SHC1: variants seen among roughly 807,000 people sequenced by gnomAD.
SHC1 encodes the protein SHC-transforming protein 1.
In SHC1, 30 loss-of-function variants were observed where a neutral mutation model predicts 55.9. The observed-to-expected ratio is 0.54, with a 90% CI of 0.40 to 0.73. The LOEUF is 0.73. SHC1 is among the 30% of genes least tolerant of loss of function. The pLI is 0.00. For missense variants in SHC1, 675 were observed against 777.1 expected (o/e 0.87, Z 1.56); for synonymous variants, 309 against 306.1 (o/e 1.01, Z -0.10).
intron 1 of SHC1, 71 bp from the exon 2 acceptor site, chr1:154,969,519 G>T: frequency 9.9e-7 from 1 of 1,007,156 alleles, no homozygotes; most frequent in Non-Finnish European, 1.6e-6. Flanking sequence ...AGGGCCCTAG[G>T]ACTTTACCCA....
Position 154,970,380 on chromosome 1 carries a change from CAG to C in SHC1, c.145_146del (p.Leu49AlafsTer5). On this transcript the variant is annotated frameshift_variant, in exon 1 of 12. Coordinates refer to ENST00000448116, the MANE Select transcript of SHC1 (RefSeq NM_001130040.2). LOFTEE classifies it high-confidence loss of function. The surrounding 1 kb of genome is among the most constrained non-coding windows in gnomAD (Gnocchi z 5.5). ...ASSLGPILPPLPGDDSPTTLC... is the reference protein window; with the variant it reads ...ASSLGPILPPXPGDDSPTTLC... ...GGGTAGTGGGACTATCGTCCCCAGG[CAG>C]AGGAGGCAGGATGGGCCCCAGGGAT... 1 of 1,602,870 alleles carries C rather than the reference CAG, an allele frequency of 6.2e-7. No individual in the cohort carries two copies. The highest frequency in any genetic ancestry group is 2.2e-5 in the East Asian group (1 of 44,840).
At chr1:154,967,085 G>A (rs1330668558) in intron 7 of SHC1, among the ~76,000 whole-genome samples, 1 of 151,928 alleles carries the variant, frequency 6.6e-6, no homozygotes, top group Non-Finnish European at 1.5e-5. Flanking sequence ...CTCCAGCCTG[G>A]GCTACAGAGC....
rs1655590012 is a variant in SHC1, at chr1:154,963,924, G to C, written c.1634C>G (p.Thr545Ser). The C allele has an allele frequency of 6.2e-7, 1 of 1,614,012 alleles. No homozygotes were observed. Among genetic ancestry groups the C allele is most frequent in the African/African-American group, 1.3e-5 (1 of 74,922 alleles). The change falls in exon 12 of 12, where the codon ACT becomes AGT. Residue 545 changes from threonine to serine, a missense_variant. Thr to Ser is a moderately conservative substitution (Grantham distance 58). Around this residue, in one of 3 missense-constraint regions of SHC1, gnomAD observed 360 missense variants for 371.1 expected, o/e 0.97. Transcript: ENST00000448116. ...GACACTTTCAAAGCGGTGATCCTTA[G>C]TCCGAACCTGGGAGGGTGGGAAGGA... ...LLVDPEGVVR[T>S]KDHRFESVSH...
intron 4 of SHC1, 112 bp from the exon 5 acceptor site, chr1:154,968,369 C>T (rs2102109160): frequency 3.9e-6 from 6 of 1,543,024 alleles, no homozygotes; most frequent in Non-Finnish European, 4.5e-6. Flanking sequence ...TATCCCATAT[C>T]CTCATTTCCT....
chr1:154,968,219 T>A lies in SHC1; in HGVS notation c.789A>T (p.Ala263=). 6.2e-7 allele frequency: 1 copy of A among 1,614,126 alleles called. No homozygotes were observed. Among genetic ancestry groups the A allele is most frequent in the South Asian group, 1.1e-5 (1 of 91,080 alleles). The stretch of plus-strand genomic sequence containing the variant: ...CCCAACTCACCGGATCCCCGCCGGA[T>A]GCAAATGAGATAGATTGCATGTGGT... ...ANHHMQSISF[A]SGGDPDTAEY... Residue 263 remains alanine (A), a synonymous_variant, in exon 5 of 12, where the codon GCA becomes GCT. Coordinates refer to ENST00000448116, the MANE Select transcript of SHC1 (RefSeq NM_001130040.2).
intron 1 of SHC1, 75 bp downstream of exon 1, chr1:154,969,957 A>G (rs944665753): frequency 2.6e-6 from 4 of 1,521,246 alleles, no homozygotes; most frequent in Non-Finnish European, 3.6e-6. Flanking sequence ...GAAAAAAGAG[A>G]TTCCGGCCAA....
In SHC1 at chr1:154,966,052, G is replaced by A; in HGVS notation, c.1281C>T (p.Ser427=). Residue 427 remains serine, a synonymous_variant, in exon 10 of 12, where the codon TCC becomes TCT. Coordinates refer to ENST00000448116, the MANE Select transcript of SHC1 (RefSeq NM_001130040.2). The stretch of plus-strand genomic sequence containing the variant: ...TGTCTAGGTTCTGGACGTTGACATA[G>A]GAGGGATCATCAAAAAGCTCTCTGC... The part of the protein sequence containing the change: ...PAGRELFDDP[S]YVNVQNLDKA... 6.2e-7 allele frequency: 1 copy of A among 1,614,090 alleles called. No homozygotes were observed.
At position 154,970,431 on chromosome 1, in the gene SHC1, C is replaced by T. The variant is rs1309127881; in HGVS notation, c.96G>A (p.Glu32=). 6.2e-6 allele frequency: 10 copies of T among 1,609,660 alleles called. 1 individual carries two copies. The East Asian group carries it at 2.2e-4, about 36-fold the overall frequency. The change falls in exon 1 of 12, where the codon GAG becomes GAA. Residue 32 remains glutamate, a synonymous_variant. Coordinates refer to ENST00000448116, the MANE Select transcript of SHC1 (RefSeq NM_001130040.2). This position sits in a 1 kb window ranked among gnomAD's most constrained non-coding sequence, Gnocchi z 5.5. ...EEGASGSTPP[E]ELPSPSASSL... ...ATGAAGCTGATGGGGAAGGCAGCTC[C>T]TCCGGGGGGGTGGACCCAGAAGCCC...
intron 2 of SHC1, 68 bp downstream of exon 2, chr1:154,969,310 T>C (rs1461802646): frequency 4.6e-6 from 5 of 1,088,798 alleles, no homozygotes; most frequent in Non-Finnish European, 4.2e-6. Flanking sequence ...AGTGACCCAC[T>C]CCCCTCCTCT....
chr1:154,967,962 C>G lies in SHC1; in HGVS notation c.856+18G>C, dbSNP rs761039593. 1.2e-6 allele frequency: 2 copies of G among 1,613,866 alleles called. No individual in the cohort carries two copies. The highest frequency in any genetic ancestry group is 2.2e-5 in the South Asian group (2 of 91,078). The stretch of plus-strand genomic sequence containing the variant: ...CTCAAACAGCCAGACCCACCCAGTG[C>G]TCCCCACCATGCCTCACCTCTCTGA... On this transcript the variant is annotated intron_variant, in intron 6 of 11. Coordinates refer to ENST00000448116, the MANE Select transcript of SHC1 (RefSeq NM_001130040.2).
chr1:154,963,026 G>C lies in SHC1; in HGVS notation c.*777C>G, dbSNP rs1005725267. 4 of 152,814 alleles carry C rather than the reference G, an allele frequency of 2.6e-5. No individual in the cohort carries two copies. Among genetic ancestry groups the C allele is most frequent in the Admixed American group, 1.3e-4 (2 of 15,284 alleles). 9.5% of individuals were successfully genotyped at this position (152,814 alleles called of 1,614,324 possible). Reference sequence around the variant, plus strand: ...CTTCAGGAGGAAGGGCTGCACTTTGGCGTAGAGTACATAGGCATGCAACAT... The same window carrying C: ...CTTCAGGAGGAAGGGCTGCACTTTGCCGTAGAGTACATAGGCATGCAACAT... On this transcript the variant is annotated 3_prime_UTR_variant, in exon 12 of 12. Transcript: ENST00000448116.
chr1:154,969,491 A>G (rs750244317), intron 1 of SHC1, 43 bp from the exon 2 acceptor site: 1 of 1,349,422 alleles, frequency 7.4e-7, no homozygotes, highest in Non-Finnish European at 1.1e-6. Flanking sequence ...CGGCTCCCCC[A>G]CCCCAGCCCC....
chr1:154,965,443 G>C (rs193245312), intron 11 of SHC1, 100 bp downstream of exon 11: 1 of 1,612,924 alleles, frequency 6.2e-7, no homozygotes, highest in Non-Finnish European at 8.5e-7. Context: ...GCTGCCCAGC[G>C]GGAATGTCTA....
intron 11 of SHC1, 54 bp from the exon 12 acceptor site, chr1:154,963,985 T>A: frequency 6.2e-7 from 1 of 1,601,028 alleles, no homozygotes; most frequent in Non-Finnish European, 8.6e-7. Flanking sequence ...AAATAAGACC[T>A]CAGCCTCCAA....
At chr1:154,970,927 G>A (rs760854822), upstream of SHC1, among the ~76,000 whole-genome samples, 4 of 152,088 alleles carry the variant, frequency 2.6e-5, no homozygotes, top group Non-Finnish European at 4.4e-5. This position sits in a 1 kb window ranked among gnomAD's most constrained non-coding sequence, Gnocchi z 5.5. Flanking sequence ...CCTCTCCCCT[G>A]CCCTATACAA....
In SHC1 at chr1:154,967,800, G is replaced by A. The variant is rs1189121059; in HGVS notation, c.857-3C>T. 5.6e-6 allele frequency: 9 copies of A among 1,614,014 alleles called. No individual in the cohort carries two copies. The highest frequency in any genetic ancestry group is 1.7e-4 in the Middle Eastern group (1 of 6,060). Reference sequence around the variant, plus strand: ...GGGACACTCCAGAATGTGGCAGGCTGAGGGCACAGCAGAGGCTGTCAGTGA... The same window carrying A: ...GGGACACTCCAGAATGTGGCAGGCTAAGGGCACAGCAGAGGCTGTCAGTGA... On this transcript the variant is annotated splice_region_variant and splice_polypyrimidine_tract_variant and intron_variant, in intron 6 of 11. Coordinates refer to ENST00000448116, the MANE Select transcript of SHC1 (RefSeq NM_001130040.2).
chr1:154,968,819 C>T lies in SHC1; in HGVS notation c.582G>A (p.Leu194=), dbSNP rs1286328146. 6.2e-7 allele frequency: 1 copy of T among 1,614,038 alleles called. No individual in the cohort carries two copies. Among genetic ancestry groups the T allele is most frequent in the South Asian group, 1.1e-5 (1 of 91,078 alleles). The change falls in exon 3 of 12, where the codon CTG becomes CTA. Residue 194 remains leucine, a synonymous_variant. Transcript: ENST00000448116. The part of the protein sequence containing the change: ...RTQVTREAIS[L]VCEAVPGAKG... The stretch of plus-strand genomic sequence containing the variant: ...TAGCACCCGGCACAGCCTCACACAC[C>T]AGACTGATGGCCTCCCTGGGGAAAG...
At position 154,968,509 on chromosome 1, in the gene SHC1, C is replaced by T. The variant is rs371992948; in HGVS notation, c.736G>A (p.Ala246Thr). Residue 246 changes from alanine to threonine, a missense_variant, in exon 4 of 12, where the codon GCA (alanine) becomes ACA (threonine). Ala to Thr is a moderately conservative substitution (Grantham distance 58). Around this residue, in one of 3 missense-constraint regions of SHC1, gnomAD observed 159 missense variants for 246.9 expected, o/e 0.64. Transcript: ENST00000448116. ...CCTTCACCAACCTGTTTGCAGTCTG[C>T]GGCCATGAGGTTGAGGCTGCTGGTG... ...VSTSSLNLMA[A>T]DCKQIIANHH... 54 of 1,614,078 alleles carry T rather than the reference C, an allele frequency of 3.3e-5. No homozygotes were observed. The East Asian group carries it at 7.1e-4, about 21-fold the overall frequency.
chr1:154,971,109 G>A (rs1656708693), upstream of SHC1, among the ~76,000 whole-genome samples: 1 of 152,122 alleles, frequency 6.6e-6, no homozygotes, highest in Non-Finnish European at 1.5e-5. Flanking sequence ...AACAGAGGCA[G>A]CTGGGGGTGG....
Sources: allele counts gnomAD v4.1 joint callset (sites outside exome capture counted in the v4.1 genomes callset), GRCh38; gene constraint gnomAD v4.1.1; regional missense constraint gnomAD v4.1.1; non-coding constraint Gnocchi (gnomAD v3.1); transcripts MANE v1.5; gene names NCBI Gene and HGNC (gene_info 2026-07-23, HGNC 2026-07-21).